The following MYCBP2 variants were observed in gnomAD, a reference collection of about 807,000 sequenced individuals.
MYCBP2 encodes MYC binding protein 2, also known as E3 ubiquitin-protein ligase MYCBP2.
In MYCBP2, 120 loss-of-function variants were observed where a neutral mutation model predicts 525.3. The observed-to-expected ratio is 0.23, with a 90% CI of 0.20 to 0.27. The LOEUF (loss-of-function observed/expected upper bound fraction) is 0.27. Among genes scored for constraint, MYCBP2 ranks in the 10% least tolerant of loss-of-function variants. The pLI is 1.00. For synonymous variants in MYCBP2, 1,894 were observed against 1,955.8 expected, an observed-to-expected ratio of 0.97 and a Z score of 0.83; for missense variants, 4,149 against 5,657.1, an observed-to-expected ratio of 0.73 and a Z score of 8.55.
At chr13:77,196,282 C>T (rs1566886555) in intron 26 of MYCBP2, among the ~76,000 whole-genome samples, 1 of 152,184 alleles carries the variant, frequency 6.6e-6, no homozygotes, top group Non-Finnish European at 1.5e-5. Flanking sequence ...GAGGTGATGA[C>T]AGCCAGTTCT....
chr13:77,064,313 G>C (rs2039850792), intron 73 of MYCBP2, among the ~76,000 whole-genome samples: 1 of 152,174 alleles, frequency 6.6e-6, no homozygotes, highest in Non-Finnish European at 1.5e-5. Flanking sequence ...GTAAACTACA[G>C]CAAACAGATC....
In MYCBP2 at chr13:77,273,525, C is replaced by A; in HGVS notation, c.892G>T (p.Ala298Ser). The stretch of plus-strand genomic sequence containing the variant: ...TTGTTGGTGAGGATAGCAGAGATGG[C>A]CTGAAGTGTCCTTCCTGTTTCTCCC... Reference protein sequence around the residue: ...SWGETGRTLQAISAILTNNGS... With the variant: ...SWGETGRTLQSISAILTNNGS... Residue 298 changes from alanine (A) to serine (S), a missense_variant, in exon 5 of 83, where the codon GCC becomes TCC. Ala to Ser is a moderately conservative substitution (Grantham distance 99). Around this residue, in one of 21 missense-constraint regions of MYCBP2, gnomAD observed 413 missense variants for 451.2 expected, o/e 0.92. Coordinates refer to ENST00000544440, the MANE Select transcript of MYCBP2 (RefSeq NM_015057.5). The A allele has an allele frequency of 1.2e-6, 2 of 1,611,898 alleles. No homozygotes were observed. Among genetic ancestry groups the A allele is most frequent in the African/African-American group, 2.7e-5 (2 of 74,874 alleles).
At chr13:77,157,111 G>T (rs1450387503) in intron 45 of MYCBP2, among the ~76,000 whole-genome samples, 1 of 151,746 alleles carries the variant, frequency 6.6e-6, no homozygotes, top group Non-Finnish European at 1.5e-5. Context: ...TTTTGAGATA[G>T]GGTCTTGCTC....
At chr13:77,214,641 A>C in intron 21 of MYCBP2, among the ~76,000 whole-genome samples, 1 of 152,192 alleles carries the variant, frequency 6.6e-6, no homozygotes, top group Admixed American at 6.5e-5. Context: ...AATATGTGTC[A>C]TTAGGTGATT....
intron 27 of MYCBP2, among the ~76,000 whole-genome samples, chr13:77,193,482 T>C (rs1379103500): frequency 6.6e-6 from 1 of 152,142 alleles, no homozygotes; most frequent in African/African-American, 2.4e-5. Context: ...CATAGCACAC[T>C]ATTACTACTA....
chr13:77,140,300 C>G, intron 50 of MYCBP2, 137 bp from the exon 51 acceptor site: 1 of 544,032 alleles, frequency 1.8e-6, no homozygotes, highest in East Asian at 3.0e-5. Context: ...TAGAGAGGCT[C>G]CCTCTGCAAA....
chr13:77,046,519 C>T (rs1488160023), intron 82 of MYCBP2, among the ~76,000 whole-genome samples: 1 of 152,158 alleles, frequency 6.6e-6, no homozygotes, highest in Non-Finnish European at 1.5e-5. Context: ...GAGAAGGAAA[C>T]CATGATGGAT....
At chr13:77,274,996 C>A (rs1174366851) in intron 4 of MYCBP2, among the ~76,000 whole-genome samples, 1 of 152,066 alleles carries the variant, frequency 6.6e-6, no homozygotes, top group Admixed American at 6.6e-5. Context: ...CCCTGTTTGT[C>A]CATATTTCCA....
chr13:77,308,167 A>G (rs1424645237), intron 1 of MYCBP2, among the ~76,000 whole-genome samples: 2 of 152,036 alleles, frequency 1.3e-5, no homozygotes, highest in African/African-American at 4.8e-5. Context: ...AGCTACTTCA[A>G]AATCCCTCCC....
chr13:77,090,007 C>A, intron 60 of MYCBP2, 99 bp downstream of exon 60: 1 of 1,039,774 alleles, frequency 9.6e-7, no homozygotes, highest in Non-Finnish European at 1.3e-6. Context: ...CATGCCTTTT[C>A]CTTCAAAAAT....
chr13:77,167,829 T>C (rs1348584087), intron 40 of MYCBP2, among the ~76,000 whole-genome samples: 3 of 152,194 alleles, frequency 2.0e-5, no homozygotes, highest in East Asian at 1.9e-4. Context: ...TGCACTGTAC[T>C]AGCTTGTTTA....
Position 77,288,176 on chromosome 13 carries a change from A to G in MYCBP2, c.579T>C (p.Pro193=). Residue 193 remains proline, a synonymous_variant, in exon 3 of 83, where the codon CCT becomes CCC. Transcript: ENST00000544440. ...AGTGGCTTACCTTTGGAAGCTTGAT[A>G]GGGGGCTCTTTGGATTCCTCTTCTT... ...SDEEEESKEP[P]IKLPKIIEVG... is the part of the protein sequence containing the mutation. 6 of 1,614,098 alleles carry G rather than the reference A, an allele frequency of 3.7e-6. No homozygotes were observed. Among genetic ancestry groups the G allele is most frequent in the Non-Finnish European group, 3.4e-6 (4 of 1,179,990 alleles).
At chr13:77,234,219 G>C (rs989752535) in intron 17 of MYCBP2, among the ~76,000 whole-genome samples, 1 of 151,382 alleles carries the variant, frequency 6.6e-6, no homozygotes, top group African/African-American at 2.4e-5. Flanking sequence ...TAGTTTCCTT[G>C]AGTTTTAACA....
intron 20 of MYCBP2, among the ~76,000 whole-genome samples, chr13:77,221,099 C>T (rs886085753): frequency 9.9e-5 from 15 of 152,138 alleles, no homozygotes; most frequent in African/African-American, 3.6e-4. Flanking sequence ...GGTTCGATGA[C>T]TATGTAGCAT....
chr13:77,126,796 TA>T (rs1403893976), intron 52 of MYCBP2, among the ~76,000 whole-genome samples: 1 of 152,116 alleles, frequency 6.6e-6, no homozygotes, highest in African/African-American at 2.4e-5. Flanking sequence ...CTGCCCACCA[TA>T]ATTTGAGAAA....
chr13:77,093,315 A>G lies in MYCBP2; in HGVS notation c.10217T>C (p.Phe3406Ser). ...TAGATTGTCATCTTGATAGCCCACAAAATTTTCATGATGATGCCTGCATTA... is the reference window on the plus strand; with the variant it reads ...TAGATTGTCATCTTGATAGCCCACAGAATTTTCATGATGATGCCTGCATTA... Reference protein sequence around the residue: ...QTLARHHHENFVGYQDDNLFQ... With the variant: ...QTLARHHHENSVGYQDDNLFQ... The change falls in exon 59 of 83, where the codon TTT becomes TCT. Residue 3406 changes from phenylalanine to serine, a missense_variant. Physicochemically the swap from Phe to Ser is radical, Grantham distance 155. Coordinates refer to ENST00000544440, the MANE Select transcript of MYCBP2 (RefSeq NM_015057.5). 1 of 1,613,194 alleles carries G rather than the reference A, an allele frequency of 6.2e-7. No individual in the cohort carries two copies. Among genetic ancestry groups the G allele is most frequent in the South Asian group, 1.1e-5 (1 of 91,006 alleles).
At chr13:77,137,442 A>G (rs2053924881) in intron 52 of MYCBP2, among the ~76,000 whole-genome samples, 3 of 152,186 alleles carry the variant, frequency 2.0e-5, no homozygotes, top group African/African-American at 7.2e-5. Context: ...TAGGGACTTA[A>G]GAAAATTTTC....
At chr13:77,129,310 TAAC>T (rs1232225469) in intron 52 of MYCBP2, 8 of 394,082 alleles carry the variant, frequency 2.0e-5, no homozygotes, top group Non-Finnish European at 3.1e-5. Context: ...GCGTGCACAG[TAAC>T]AACATTTTTC....
chr13:77,101,182 A>C (rs920612400), intron 55 of MYCBP2, among the ~76,000 whole-genome samples: 1 of 152,088 alleles, frequency 6.6e-6, no homozygotes, highest in African/African-American at 2.4e-5. Flanking sequence ...CTAGACAAAC[A>C]ATTAGTAAGT....
Sources: gnomAD v4.1 joint callset for allele counts (sites outside exome capture counted in the v4.1 genomes callset) on GRCh38, gnomAD v4.1.1 for gene constraint, gnomAD v4.1.1 regional missense constraint, MANE v1.5 for transcripts, NCBI Gene and HGNC (gene_info 2026-07-23, HGNC 2026-07-21) for gene names.